The following RFTN2 variants were observed in gnomAD, a reference collection of about 807,000 sequenced individuals.
RFTN2 encodes raftlin-2.
Under a neutral mutation model 52.7 loss-of-function variants are expected in RFTN2, and 34 were observed. The observed-to-expected ratio is 0.64, with a 90% confidence interval of 0.49 to 0.86. The LOEUF (loss-of-function observed/expected upper bound fraction) is 0.86, where lower values mean the gene tolerates loss of function less well. Among genes scored for constraint, RFTN2 ranks in the 40% least tolerant of loss-of-function variants. The probability of loss-of-function intolerance (pLI) is 0.00; values close to 1 mark genes in which losing one functional copy is unlikely to be tolerated. For missense variants in RFTN2, 536 were observed against 600.1 expected (o/e 0.89, Z 1.12); for synonymous variants, 203 against 217.7 (o/e 0.93, Z 0.59).
chr2:197,674,406 A>T (rs1375322372), intron 1 of RFTN2, among the ~76,000 whole-genome samples: 1 of 151,012 alleles, frequency 6.6e-6, no homozygotes, highest in Non-Finnish European at 1.5e-5. Flanking sequence ...AAAAATTAAG[A>T]TAATATTCAA....
At chr2:197,664,098 G>A (rs2089017322) in intron 1 of RFTN2, among the ~76,000 whole-genome samples, 2 of 152,008 alleles carry the variant, frequency 1.3e-5, no homozygotes, top group Admixed American at 1.3e-4. Context: ...TATTTGTATA[G>A]TTTACAAAGT....
intron 2 of RFTN2, 43 bp from the exon 3 acceptor site, chr2:197,644,315 G>A (rs1409550062): frequency 1.2e-5 from 13 of 1,043,992 alleles, no homozygotes; most frequent in Non-Finnish European, 2.0e-5. Flanking sequence ...GCCAATTGCT[G>A]CTTTTCAGCT....
At chr2:197,652,232 A>G (rs1299970155) in intron 1 of RFTN2, among the ~76,000 whole-genome samples, 1 of 152,236 alleles carries the variant, frequency 6.6e-6, no homozygotes, top group Non-Finnish European at 1.5e-5. Flanking sequence ...ACTTAAGAAA[A>G]GAATATGAGT....
At chr2:197,660,007 T>C (rs2088955293) in intron 1 of RFTN2, among the ~76,000 whole-genome samples, 1 of 152,104 alleles carries the variant, frequency 6.6e-6, no homozygotes, top group Non-Finnish European at 1.5e-5. Flanking sequence ...AAAAATCATA[T>C]AAGGTAAGTA....
rs750870515 is a variant in RFTN2, at chr2:197,675,371, T to A, written c.88A>T (p.Thr30Ser). Residue 30 changes from threonine to serine, a missense_variant, in exon 1 of 9, where the codon ACA (threonine) becomes TCA (serine). Coordinates refer to ENST00000295049, the MANE Select transcript of RFTN2 (RefSeq NM_144629.3). ...TATTCGTAAGCAAATTCTGTCTTTG[T>A]TTCCACTTGCGGTCTCTTCAGGGTA... is the stretch of plus-strand genomic sequence containing the variant. ...FSTLKRPQVE[T>S]KTEFAYEYVL... 1 of 1,604,962 alleles carries A rather than the reference T, an allele frequency of 6.2e-7. No individual in the cohort carries two copies. Among genetic ancestry groups the A allele is most frequent in the Admixed American group, 1.7e-5 (1 of 58,488 alleles).
chr2:197,575,474 A>C (rs1267922843), intron 8 of RFTN2, among the ~76,000 whole-genome samples: 1 of 152,200 alleles, frequency 6.6e-6, no homozygotes, highest in East Asian at 1.9e-4. Context: ...TCAACAATTC[A>C]ATCCAGCTCA....
At chr2:197,672,089 A>G (rs2089154667) in intron 1 of RFTN2, among the ~76,000 whole-genome samples, 1 of 152,226 alleles carries the variant, frequency 6.6e-6, no homozygotes, top group African/African-American at 2.4e-5. Flanking sequence ...ATGAATTGTT[A>G]CTTTATCATA....
At chr2:197,640,898 C>T (rs557460172) in intron 3 of RFTN2, among the ~76,000 whole-genome samples, 2 of 152,324 alleles carry the variant, frequency 1.3e-5, no homozygotes, top group East Asian at 3.9e-4. Context: ...CTATTTTCTT[C>T]ATGTGTTCAA....
chr2:197,600,399 C>T (rs1393856255), intron 7 of RFTN2, among the ~76,000 whole-genome samples: 1 of 152,160 alleles, frequency 6.6e-6, no homozygotes, highest in Non-Finnish European at 1.5e-5. Flanking sequence ...ATGTCGGAAA[C>T]TTCTATGTCC....
intron 1 of RFTN2, among the ~76,000 whole-genome samples, chr2:197,670,684 A>G (rs2089132952): frequency 6.6e-6 from 1 of 152,090 alleles, no homozygotes; most frequent in Non-Finnish European, 1.5e-5. Flanking sequence ...CAAAAAAAAA[A>G]TCTATTTCAA....
At chr2:197,659,216 T>G (rs888890186) in intron 1 of RFTN2, among the ~76,000 whole-genome samples, 1 of 152,080 alleles carries the variant, frequency 6.6e-6, no homozygotes, top group Non-Finnish European at 1.5e-5. Flanking sequence ...TATGAAATAT[T>G]AGGGCCAGGC....
chr2:197,603,393 T>A (rs1475308187), intron 7 of RFTN2, among the ~76,000 whole-genome samples: 1 of 152,226 alleles, frequency 6.6e-6, no homozygotes, highest in African/African-American at 2.4e-5. Flanking sequence ...GCCACAGAAT[T>A]AGTGAAGATA....
At chr2:197,622,944 T>C (rs904809458) in intron 5 of RFTN2, among the ~76,000 whole-genome samples, 1 of 152,224 alleles carries the variant, frequency 6.6e-6, no homozygotes, top group East Asian at 1.9e-4. Context: ...GAAAAAAAGA[T>C]GCCTTTCAAA....
chr2:197,631,816 G>A (rs2088473772), intron 4 of RFTN2, among the ~76,000 whole-genome samples: 1 of 151,982 alleles, frequency 6.6e-6, no homozygotes, highest in African/African-American at 2.4e-5. Flanking sequence ...ACTAGGAATT[G>A]GCAAATTCTT....
intron 7 of RFTN2, among the ~76,000 whole-genome samples, chr2:197,597,245 C>T (rs2087806718): frequency 6.6e-6 from 1 of 152,164 alleles, no homozygotes; most frequent in Admixed American, 6.5e-5. Context: ...CTAGTCTAAT[C>T]TCATTCCATT....
At position 197,617,904 on chromosome 2, in the gene RFTN2, AT is replaced by A. The variant is rs776465109; in HGVS notation, c.945del (p.Lys315AsnfsTer28). The A allele has an allele frequency of 6.2e-7, 1 of 1,608,260 alleles. No homozygotes were observed. Among genetic ancestry groups the A allele is most frequent in the South Asian group, 1.1e-5 (1 of 90,398 alleles). On this transcript the variant is annotated frameshift_variant, in exon 6 of 9. Coordinates refer to ENST00000295049, the MANE Select transcript of RFTN2 (RefSeq NM_144629.3). LOFTEE classifies it high-confidence loss of function. ...TCATAGATAAAAAATCCTTCCAAAG[AT>A]TTAGGCAAATGTTCCCCTGTGAGGA... ...WETSKGEHLP[K>X]SLEGFFIYEE... is the part of the protein sequence containing the mutation.
At chr2:197,573,616 T>G (rs1018851264) in intron 8 of RFTN2, among the ~76,000 whole-genome samples, 2 of 152,244 alleles carry the variant, frequency 1.3e-5, no homozygotes, top group African/African-American at 4.8e-5. Context: ...GAGAAGAAAT[T>G]TAAGCTGGCT....
chr2:197,586,529 C>T (rs563357202), intron 8 of RFTN2, among the ~76,000 whole-genome samples: 75 of 152,324 alleles, frequency 4.9e-4, no homozygotes, highest in African/African-American at 1.7e-3. Flanking sequence ...CATTAATTTT[C>T]CTTACTCCCA....
chr2:197,615,986 G>C lies in RFTN2; in HGVS notation c.1051-7C>G, dbSNP rs28625824. 4.9e-3 allele frequency: 7,450 copies of C among 1,516,938 alleles called. 291 individuals carry two copies. The African/African-American group carries it at 0.086, about 17-fold the overall frequency. The allele number at this position is 1,516,938 out of a possible 1,614,324, so 94.0% of individuals were successfully genotyped here. ...CTGTTTTGATTTCACATCCCTGCAT[G>C]AATAAGTATAAGAGCTCATAGTCTA... On this transcript the variant is annotated splice_region_variant and splice_polypyrimidine_tract_variant and intron_variant, in intron 6 of 8. Coordinates refer to ENST00000295049, the MANE Select transcript of RFTN2 (RefSeq NM_144629.3).
Sources: allele counts gnomAD v4.1 joint callset (sites outside exome capture counted in the v4.1 genomes callset), GRCh38; gene constraint gnomAD v4.1.1; transcripts MANE v1.5; gene names NCBI Gene and HGNC (gene_info 2026-07-23, HGNC 2026-07-21).